Variants in ZNF385D observed in about 807,000 individuals in gnomAD.
The protein encoded by ZNF385D is zinc finger protein 385D, also known as zinc finger protein 659.
Under a neutral mutation model 35.8 loss-of-function variants are expected in ZNF385D, and 15 were observed. The observed-to-expected ratio is 0.42, with a 90% CI of 0.28 to 0.64. The LOEUF (loss-of-function observed/expected upper bound fraction) is 0.64. Among genes scored for constraint, ZNF385D ranks in the 30% least tolerant of loss-of-function variants. ZNF385D has a pLI of 0.23. For missense variants in ZNF385D, 474 were observed against 494.6 expected (o/e 0.96, Z 0.39); for synonymous variants, 212 against 186.8 (o/e 1.13, Z -1.10).
chr3:21,504,944 C>A (rs142323323), intron 4 of ZNF385D, among the ~76,000 whole-genome samples: 3 of 152,202 alleles, frequency 2.0e-5, no homozygotes, highest in Non-Finnish European at 4.4e-5. Flanking sequence ...GGCAGTTAGA[C>A]CTGCATAGAG....
chr3:22,221,486 A>AG (rs1698253366), intron 2 of ZNF385D, among the ~76,000 whole-genome samples: 1 of 152,130 alleles, frequency 6.6e-6, no homozygotes, highest in Non-Finnish European at 1.5e-5. Context: ...ATTGCGTTAG[A>AG]GTGTTCTTAA....
intron 2 of ZNF385D, among the ~76,000 whole-genome samples, chr3:22,310,606 A>G (rs1703485022): frequency 6.6e-6 from 1 of 151,924 alleles, no homozygotes; most frequent in Non-Finnish European, 1.5e-5. Flanking sequence ...ATCTTTAAAT[A>G]TTTTTATATT....
chr3:21,644,492 G>A (rs980523360), intron 2 of ZNF385D, among the ~76,000 whole-genome samples: 2 of 152,108 alleles, frequency 1.3e-5, no homozygotes, highest in African/African-American at 4.8e-5. Flanking sequence ...GGATGTGGGA[G>A]GAAACCAGAG....
rs983211469 is a variant in ZNF385D at position 21,418,387 on chromosome 3, T to C, written c.*2827A>G. The C allele has an allele frequency of 1.3e-5, 2 of 151,958 alleles. No homozygotes were observed. The highest frequency in any genetic ancestry group is 2.9e-5 in the Non-Finnish European group (2 of 67,998). 9.4% of individuals were successfully genotyped at this position (151,958 alleles called of 1,614,324 possible). A position where few individuals can be genotyped will look rare whatever the true frequency, so the allele number is the denominator to read the frequency against. ...ATCTGGTATTGGTAAATATATGGAG[T>C]GTGGGGGAAACAACTCACAGAGAAT... On this transcript the variant is annotated 3_prime_UTR_variant, in exon 8 of 8. Transcript: ENST00000281523.
At chr3:21,876,278 T>G (rs1208183435) in intron 3 of ZNF385D, among the ~76,000 whole-genome samples, 1 of 151,758 alleles carries the variant, frequency 6.6e-6, no homozygotes, top group Non-Finnish European at 1.5e-5. Flanking sequence ...GTTTTTTTTT[T>G]CTGTCCTATT....
At chr3:22,267,612 A>C (rs1184665299) in intron 2 of ZNF385D, among the ~76,000 whole-genome samples, 1 of 151,926 alleles carries the variant, frequency 6.6e-6, no homozygotes, top group Non-Finnish European at 1.5e-5. Context: ...AATTCCCTTC[A>C]GCTTTATTAA....
intron 3 of ZNF385D, among the ~76,000 whole-genome samples, chr3:21,919,570 A>G (rs1479987): frequency 0.53 from 81,339 of 152,068 alleles, 23,816 homozygotes; most frequent in South Asian, 0.66. Flanking sequence ...TGCCACAGCC[A>G]CATTTCCACT....
intron 3 of ZNF385D, among the ~76,000 whole-genome samples, chr3:21,968,736 T>C (rs147321963): frequency 9.8e-5 from 15 of 152,320 alleles, no homozygotes; most frequent in Admixed American, 9.8e-4. Context: ...GTACTTGCCG[T>C]GGACCTTGGG....
At chr3:22,065,470 A>G (rs1283118817) in intron 3 of ZNF385D, among the ~76,000 whole-genome samples, 1 of 152,168 alleles carries the variant, frequency 6.6e-6, no homozygotes, top group Non-Finnish European at 1.5e-5. Flanking sequence ...AGGGGCAACA[A>G]GAGGTTGCAC....
intron 3 of ZNF385D, among the ~76,000 whole-genome samples, chr3:21,842,858 G>C (rs1559681089): frequency 6.6e-6 from 1 of 152,024 alleles, no homozygotes; most frequent in Admixed American, 6.6e-5. Context: ...TTCAAAATAA[G>C]ATCATTTTGG....
intron 3 of ZNF385D, among the ~76,000 whole-genome samples, chr3:22,058,882 T>C (rs1470828238): frequency 6.6e-6 from 1 of 152,210 alleles, no homozygotes; most frequent in Non-Finnish European, 1.5e-5. Flanking sequence ...TCCACCTCCA[T>C]AGCAAGAAGT....
At chr3:21,449,278 C>CA (rs543791289) in intron 4 of ZNF385D, among the ~76,000 whole-genome samples, 55,233 of 141,928 alleles carry the variant, frequency 0.39, 10,925 homozygotes, top group Non-Finnish European at 0.48. Context: ...TTTATAGCTA[C>CA]AAAAAAAAAA....
intron 1 of ZNF385D, among the ~76,000 whole-genome samples, chr3:21,721,430 G>C (rs759610666): frequency 6.6e-6 from 1 of 151,872 alleles, no homozygotes; most frequent in African/African-American, 2.4e-5. Flanking sequence ...CCAGAGAAGA[G>C]AGCATCAACA....
At chr3:22,012,321 C>T (rs753857410) in intron 3 of ZNF385D, among the ~76,000 whole-genome samples, 1 of 152,072 alleles carries the variant, frequency 6.6e-6, no homozygotes, top group Non-Finnish European at 1.5e-5. Flanking sequence ...CTACTAACAA[C>T]TAAGATAAAA....
At chr3:21,566,081 G>C (rs1004997794) in intron 2 of ZNF385D, among the ~76,000 whole-genome samples, 1 of 152,114 alleles carries the variant, frequency 6.6e-6, no homozygotes, top group Non-Finnish European at 1.5e-5. Context: ...TTAACATACG[G>C]TTCTGAATAA....
intron 2 of ZNF385D, among the ~76,000 whole-genome samples, chr3:22,269,597 C>G (rs1053903802): frequency 2.0e-5 from 3 of 151,824 alleles, no homozygotes; most frequent in Admixed American, 6.6e-5. Flanking sequence ...ATAAATGATA[C>G]TCCAAGAAAA....
intron 5 of ZNF385D, among the ~76,000 whole-genome samples, chr3:21,436,337 T>C (rs1303080869): frequency 2.6e-5 from 4 of 152,178 alleles, no homozygotes; most frequent in South Asian, 2.1e-4. Flanking sequence ...GTTCAAATCA[T>C]GGTTCTGTCA....
chr3:21,574,471 C>G (rs2063434723), intron 2 of ZNF385D, among the ~76,000 whole-genome samples: 1 of 152,224 alleles, frequency 6.6e-6, no homozygotes, highest in Non-Finnish European at 1.5e-5. Flanking sequence ...TTGATTCTAA[C>G]AAACTGCACA....
intron 2 of ZNF385D, among the ~76,000 whole-genome samples, chr3:22,341,499 C>G (rs1028254926): frequency 6.6e-6 from 1 of 152,192 alleles, no homozygotes; most frequent in African/African-American, 2.4e-5. Flanking sequence ...ATATTCTCTT[C>G]TGACATCTCT....
Sources: allele counts gnomAD v4.1 joint callset (sites outside exome capture counted in the v4.1 genomes callset), GRCh38; gene constraint gnomAD v4.1.1; transcripts MANE v1.5; gene names NCBI Gene and HGNC (gene_info 2026-07-23, HGNC 2026-07-21).